The following MAPKAPK3 variants were observed in gnomAD, a reference collection of about 807,000 sequenced individuals.
MAPKAPK3 encodes MAPK activated protein kinase 3.
In MAPKAPK3, 35 loss-of-function variants were observed where a neutral mutation model predicts 49.2. The observed-to-expected ratio is 0.71, with a 90% CI of 0.54 to 0.94. The LOEUF is 0.94. Ranked by LOEUF, MAPKAPK3 falls within the 40% of genes least tolerant of loss-of-function variation. The pLI, the probability that MAPKAPK3 is intolerant of heterozygous loss-of-function variation, is 0.00. For synonymous variants in MAPKAPK3, 178 were observed against 188.7 expected (o/e 0.94, Z 0.46); for missense variants, 398 against 493.1 (o/e 0.81, Z 1.83).
chr3:50,635,485 T>C (rs2033015473), intron 2 of MAPKAPK3, among the ~76,000 whole-genome samples: 1 of 125,842 alleles, frequency 7.9e-6, no homozygotes, highest in Non-Finnish European at 1.6e-5. Flanking sequence ...TGGCACGATC[T>C]CAGCTCACTG....
chr3:50,636,269 C>T (rs1266508785), intron 2 of MAPKAPK3, among the ~76,000 whole-genome samples: 5 of 152,186 alleles, frequency 3.3e-5, no homozygotes, highest in East Asian at 1.9e-4. Context: ...GGGGATCAGC[C>T]ATGTGATTTG....
intron 2 of MAPKAPK3, among the ~76,000 whole-genome samples, chr3:50,631,643 C>T (rs1035460312): frequency 1.2e-4 from 19 of 152,208 alleles, no homozygotes; most frequent in African/African-American, 4.6e-4. Context: ...GAGATGTGAT[C>T]CTCATGGGAA....
At chr3:50,623,966 T>C (rs529987275) in intron 2 of MAPKAPK3, among the ~76,000 whole-genome samples, 1 of 152,244 alleles carries the variant, frequency 6.6e-6, no homozygotes, top group Non-Finnish European at 1.5e-5. Flanking sequence ...TGCCAGTGAT[T>C]GGACAGGTGG....
At chr3:50,641,874 C>T (rs2033184165) in intron 4 of MAPKAPK3, 103 bp downstream of exon 4, 2 of 999,284 alleles carry the variant, frequency 2.0e-6, no homozygotes, top group East Asian at 4.8e-5. Context: ...TCAGTCTTCC[C>T]ATCTGAATAA....
chr3:50,611,904 C>G, upstream of MAPKAPK3: 2 of 488,432 alleles, frequency 4.1e-6, no homozygotes, highest in Non-Finnish European at 6.8e-6. Flanking sequence ...CTTCCTAGAA[C>G]CGCGGGCTGA....
chr3:50,646,684 G>A, intron 8 of MAPKAPK3, 56 bp from the exon 9 acceptor site: 1 of 1,501,118 alleles, frequency 6.7e-7, no homozygotes, highest in Non-Finnish European at 9.3e-7. Context: ...GTGGGGAAGG[G>A]TGGAGGGGCT....
exon 1 of MAPKAPK3, chr3:50,612,047 G>A (rs765534132): frequency 4.2e-4 from 93 of 222,706 alleles, no homozygotes; most frequent in Non-Finnish European, 6.5e-4. Context: ...CTGACCAATC[G>A]CGACGCTGAA....
Position 50,640,427 on chromosome 3 carries a change from G to C in MAPKAPK3, c.281G>C (p.Gly94Ala), listed in dbSNP as rs1291483185. The change falls in exon 3 of 11, where the codon GGC becomes GCC. Residue 94 changes from glycine (G) to alanine (A), a missense_variant. Transcript: ENST00000621469. ...GACCATCACTGGCAGGCTTCTGGCG[G>C]CCCCCATATTGTCTGCATCCTGGAT... ...EVDHHWQASG[G>A]PHIVCILDVY... 1 of 1,614,128 alleles carries C rather than the reference G, an allele frequency of 6.2e-7. No individual in the cohort carries two copies. Among genetic ancestry groups the C allele is most frequent in the East Asian group, 2.2e-5 (1 of 44,880 alleles).
At chr3:50,627,242 C>T (rs1252770329) in intron 2 of MAPKAPK3, among the ~76,000 whole-genome samples, 2 of 150,240 alleles carry the variant, frequency 1.3e-5, no homozygotes, top group Non-Finnish European at 3.0e-5. Context: ...AAAGGCCTCC[C>T]TTTTGGCTGT....
upstream of MAPKAPK3, chr3:50,613,825 T>C (rs935911051): frequency 6.6e-6 from 1 of 152,180 alleles, no homozygotes; most frequent in African/African-American, 2.4e-5. Context: ...GGTTACAATA[T>C]AACTTAGATC....
At chr3:50,644,908 C>T (rs2033253092) in intron 6 of MAPKAPK3, among the ~76,000 whole-genome samples, 1 of 152,168 alleles carries the variant, frequency 6.6e-6, no homozygotes. Flanking sequence ...TGCATTTCCT[C>T]CTAACTTGGA....
In MAPKAPK3 at chr3:50,646,826, G is replaced by A. The variant is rs200269979; in HGVS notation, c.915+1G>A. 3 of 1,613,872 alleles carry A rather than the reference G, an allele frequency of 1.9e-6. No homozygotes were observed. The highest frequency in any genetic ancestry group is 1.7e-5 in the Admixed American group (1 of 60,018). On this transcript the variant is annotated splice_donor_variant, in intron 9 of 10. Transcript: ENST00000621469. LOFTEE classifies it high-confidence loss of function. ...GTTCATGAACCACCCCTGGATCAAC[G>A]TGAGCCCCTCCTCCTCCCATGGCAG... is the stretch of plus-strand genomic sequence containing the variant.
intron 6 of MAPKAPK3, among the ~76,000 whole-genome samples, chr3:50,645,203 G>T (rs1474766359): frequency 6.6e-6 from 1 of 152,140 alleles, no homozygotes; most frequent in East Asian, 1.9e-4. Flanking sequence ...GATGTGTTTT[G>T]CACTAAGTAT....
chr3:50,623,233 C>T (rs890461460), intron 2 of MAPKAPK3, among the ~76,000 whole-genome samples: 6 of 152,248 alleles, frequency 3.9e-5, no homozygotes, highest in African/African-American at 1.2e-4. Flanking sequence ...GTTCTCCCAA[C>T]GCTGCTCCTT....
Position 50,646,244 on chromosome 3 carries a change from G to A in MAPKAPK3, c.809G>A (p.Trp270Ter). Residue 270 changes from tryptophan to a stop codon, truncating the protein, a stop_gained, in exon 8 of 11, where the codon TGG (tryptophan) becomes TAG (stop). Transcript: ENST00000621469. LOFTEE classifies it high-confidence loss of function. ...CAGTACGGCTTCCCCAATCCTGAGT[G>A]GTCAGAAGTCTCTGAGGATGGTGAG... ...LGQYGFPNPE[W>*]SEVSEDAKQL... 1 of 1,614,144 alleles carries A rather than the reference G, an allele frequency of 6.2e-7. No individual in the cohort carries two copies. The highest frequency in any genetic ancestry group is 8.5e-7 in the Non-Finnish European group (1 of 1,180,014).
Position 50,642,461 on chromosome 3 carries a change from G to A in MAPKAPK3, c.504+129G>A, listed in dbSNP as rs937295493. 5 of 690,982 alleles carry A rather than the reference G, an allele frequency of 7.2e-6. No individual in the cohort carries two copies. In the East Asian group the frequency reaches 1.0e-4, roughly 14 times the overall value. The allele number at this position is 690,982 out of a possible 1,614,324, so 42.8% of individuals were successfully genotyped here. A position where few individuals can be genotyped will look rare whatever the true frequency, so the allele number is the denominator to read the frequency against. ...TAGTCACATTCAAAGCCTCTGCTCT[G>A]TGTCCCAGACTGCTTTTCTCAGCCT... On this transcript the variant is annotated intron_variant, in intron 5 of 10. Coordinates refer to ENST00000621469, the MANE Select transcript of MAPKAPK3 (RefSeq NM_001243925.2).
intron 2 of MAPKAPK3, among the ~76,000 whole-genome samples, chr3:50,620,125 C>G (rs186669737): frequency 1.1e-4 from 16 of 152,342 alleles, no homozygotes; most frequent in Middle Eastern, 6.8e-3. Context: ...AGCACAACCT[C>G]TGGTACAGTT....
chr3:50,623,320 G>A (rs1353776138), intron 2 of MAPKAPK3, among the ~76,000 whole-genome samples: 1 of 152,204 alleles, frequency 6.6e-6, no homozygotes. Flanking sequence ...TGAAGATCCT[G>A]GGGAGGGCAT....
intron 2 of MAPKAPK3, among the ~76,000 whole-genome samples, chr3:50,618,275 A>G (rs1397899929): frequency 6.6e-6 from 1 of 152,150 alleles, no homozygotes; most frequent in Non-Finnish European, 1.5e-5. Flanking sequence ...AGGGCTGGCC[A>G]GAGGACAAGG....
Sources: allele counts gnomAD v4.1 joint callset (sites outside exome capture counted in the v4.1 genomes callset), GRCh38; gene constraint gnomAD v4.1.1; transcripts MANE v1.5; gene names NCBI Gene and HGNC (gene_info 2026-07-23, HGNC 2026-07-21).